METTL25: variants seen among roughly 807,000 people sequenced by gnomAD.
The protein encoded by METTL25 is probable methyltransferase-like protein 25.
A neutral mutation model predicts 71.6 loss-of-function variants in METTL25; 64 were observed. The ratio of observed to expected loss-of-function variants is 0.89; its 90% confidence interval spans 0.73 to 1.10. The LOEUF (loss-of-function observed/expected upper bound fraction) is 1.10. METTL25 is among the 50% of genes least tolerant of loss of function. The pLI is 0.00. For synonymous variants in METTL25, 287 were observed against 250.3 expected (o/e 1.15, Z -1.38); for missense variants, 807 against 707.0 (o/e 1.14, Z -1.60).
chr12:82,384,547 C>CT (rs1407018940), intron 1 of METTL25, among the ~76,000 whole-genome samples: 2 of 151,832 alleles, frequency 1.3e-5, no homozygotes, highest in Admixed American at 1.3e-4. Context: ...TCTAGACTAT[C>CT]TGAGTAAAAC....
At chr12:82,441,630 C>CT (rs1890338084) in intron 8 of METTL25, among the ~76,000 whole-genome samples, 1 of 151,526 alleles carries the variant, frequency 6.6e-6, no homozygotes, top group African/African-American at 2.4e-5. Context: ...CCCGGGTTTT[C>CT]TTTTTGTTTC....
At chr12:82,426,116 A>C (rs1262817387) in intron 5 of METTL25, among the ~76,000 whole-genome samples, 1 of 152,082 alleles carries the variant, frequency 6.6e-6, no homozygotes, top group African/African-American at 2.4e-5. Context: ...AGGTCATATG[A>C]GGGAGCTTCA....
intron 1 of METTL25, among the ~76,000 whole-genome samples, chr12:82,382,161 A>C (rs1166386939): frequency 6.6e-6 from 1 of 152,202 alleles, no homozygotes; most frequent in East Asian, 1.9e-4. Context: ...GAACCTTTTG[A>C]ATTGAAGACA....
At chr12:82,461,611 A>G (rs931119117) in intron 9 of METTL25, among the ~76,000 whole-genome samples, 6 of 152,136 alleles carry the variant, frequency 3.9e-5, no homozygotes, top group African/African-American at 1.4e-4. Context: ...CAAACAATAA[A>G]CCTACGAGAA....
At chr12:82,397,189 C>T (rs1886155658) in intron 3 of METTL25, among the ~76,000 whole-genome samples, 2 of 152,092 alleles carry the variant, frequency 1.3e-5, no homozygotes, top group East Asian at 1.9e-4. Context: ...AGTGGTTATA[C>T]CATTTTACAT....
chr12:82,438,715 C>T lies in METTL25; in HGVS notation c.1405-3C>T. On this transcript the variant is annotated splice_polypyrimidine_tract_variant and splice_region_variant and intron_variant, in intron 7 of 11. Transcript: ENST00000248306. Reference sequence around the variant, plus strand: ...TGCTTATATATGTCTACATTTTTTTCAGCTGCCTACTGAATCACTCTTCTA... The same window carrying T: ...TGCTTATATATGTCTACATTTTTTTTAGCTGCCTACTGAATCACTCTTCTA... The T allele has an allele frequency of 1.4e-6, 2 of 1,458,988 alleles. No homozygotes were observed. Among genetic ancestry groups the T allele is most frequent in the Non-Finnish European group, 1.8e-6 (2 of 1,098,498 alleles). 90.4% of individuals were successfully genotyped at this position (1,458,988 alleles called of 1,614,324 possible).
chr12:82,380,303 A>G (rs4882438), intron 1 of METTL25, among the ~76,000 whole-genome samples: 140,764 of 152,240 alleles, frequency 0.92, 65,392 homozygotes, highest in East Asian at 1. Context: ...ATATGATCTC[A>G]TTATTTTTTA....
At chr12:82,449,905 A>C (rs1282079090) in intron 8 of METTL25, among the ~76,000 whole-genome samples, 2 of 152,032 alleles carry the variant, frequency 1.3e-5, no homozygotes, top group Non-Finnish European at 2.9e-5. Context: ...ATTTCCCTTT[A>C]AACATGTTTC....
rs563587408 is a variant in METTL25, at chr12:82,428,556, TAGA to T, written c.1280-2331_1280-2329del. ...CCAGTCTTTGAAGTCATCTTGGAAATAGAAGAAGTAGCCCAGAGTCCCTAGGAC... is the reference window on the plus strand; with the variant it reads ...CCAGTCTTTGAAGTCATCTTGGAAATAGAAGTAGCCCAGAGTCCCTAGGAC... On this transcript the variant is annotated intron_variant, in intron 5 of 11. Coordinates refer to ENST00000248306, the MANE Select transcript of METTL25 (RefSeq NM_032230.3). 8.0e-4 allele frequency among the ~76,000 whole-genome samples: 121 copies of T among 151,978 alleles called. 1 individual carries two copies. In the Middle Eastern group the frequency reaches 0.014, roughly 17 times the overall value.
intron 1 of METTL25, among the ~76,000 whole-genome samples, chr12:82,370,453 G>A (rs887536788): frequency 2.0e-4 from 31 of 152,190 alleles, no homozygotes; most frequent in African/African-American, 7.5e-4. Context: ...GCCTTTTCCT[G>A]TAAATGCTGG....
At position 82,456,780 on chromosome 12, in the gene METTL25, T is replaced by C; in HGVS notation, c.1532T>C (p.Val511Ala). Residue 511 changes from valine (V) to alanine (A), a missense_variant, in exon 9 of 12, where the codon GTC becomes GCC. By Grantham distance (64) the Val-to-Ala change is moderately conservative (BLOSUM62 0). Coordinates refer to ENST00000248306, the MANE Select transcript of METTL25 (RefSeq NM_032230.3). ...YSKCSSFLDYVRRSLKKLGLD... is the reference protein window; with the variant it reads ...YSKCSSFLDYARRSLKKLGLD... ...AAATGTTCTTCTTTTCTGGATTATG[T>C]CAGACGGTCTCTAAAGAAGCTTGGA... 1 of 1,603,642 alleles carries C rather than the reference T, an allele frequency of 6.2e-7. No homozygotes were observed.
chr12:82,386,863 C>A lies in METTL25; in HGVS notation c.320C>A (p.Ala107Asp). 3.7e-6 allele frequency: 6 copies of A among 1,613,418 alleles called. No individual in the cohort carries two copies. Among genetic ancestry groups the A allele is most frequent in the Non-Finnish European group, 5.1e-6 (6 of 1,179,616 alleles). ...ETSQKLVSVE[A>D]FALAAKYYSV... ...TCTCAGAAGTTGGTGAGTGTGGAAGCCTTTGCTCTGGCTGCGAAATACTAT... is the reference window on the plus strand; with the variant it reads ...TCTCAGAAGTTGGTGAGTGTGGAAGACTTTGCTCTGGCTGCGAAATACTAT... Residue 107 changes from alanine to aspartate, a missense_variant, in exon 2 of 12, where the codon GCC becomes GAC. Ala to Asp is a moderately radical substitution (Grantham distance 126, BLOSUM62 -2). Transcript: ENST00000248306.
At chr12:82,471,409 T>C (rs2137303015) in intron 9 of METTL25, among the ~76,000 whole-genome samples, 1 of 152,362 alleles carries the variant, frequency 6.6e-6, no homozygotes, top group South Asian at 2.1e-4. Context: ...TGGATATTTA[T>C]TATGCATGAT....
At position 82,358,537 on chromosome 12, in the gene METTL25, G is replaced by A. The variant is rs1476086251; in HGVS notation, c.-29G>A. On this transcript the variant is annotated 5_prime_UTR_variant, in exon 1 of 12. Transcript: ENST00000248306. ...GCTGGCGCCTCACGGCCATGTTTGC[G>A]CCACCTACAGCCTCGGAGGGTGAGC... The A allele has an allele frequency of 1.9e-6, 3 of 1,602,550 alleles. No individual in the cohort carries two copies. The highest frequency in any genetic ancestry group is 2.2e-5 in the East Asian group (1 of 44,736).
chr12:82,424,388 G>T (rs1317191572), intron 5 of METTL25, among the ~76,000 whole-genome samples: 2 of 152,112 alleles, frequency 1.3e-5, no homozygotes, highest in South Asian at 2.1e-4. Flanking sequence ...GCCTGTTGTG[G>T]GGTGGGGGAA....
At chr12:82,373,091 T>G (rs1291405167) in intron 1 of METTL25, among the ~76,000 whole-genome samples, 1 of 152,108 alleles carries the variant, frequency 6.6e-6, no homozygotes, top group African/African-American at 2.4e-5. Context: ...GGATTTAGTG[T>G]CCCTTACTGA....
intron 8 of METTL25, among the ~76,000 whole-genome samples, chr12:82,441,806 A>AACACATACAC (rs1890360731): frequency 7.5e-6 from 1 of 133,984 alleles, no homozygotes; most frequent in Non-Finnish European, 1.6e-5. Context: ...AAAAAATAGA[A>AACACATACAC]ACACACACAC....
intron 1 of METTL25, among the ~76,000 whole-genome samples, chr12:82,372,893 G>A (rs1408431095): frequency 1.3e-5 from 2 of 152,076 alleles, no homozygotes; most frequent in African/African-American, 4.8e-5. Flanking sequence ...CCAAGAACCT[G>A]CAACGGTCCC....
Position 82,386,966 on chromosome 12 carries a change from T to A in METTL25, c.423T>A (p.Ile141=). 6.2e-7 allele frequency: 1 copy of A among 1,612,114 alleles called. No homozygotes were observed. Among genetic ancestry groups the A allele is most frequent in the Non-Finnish European group, 8.5e-7 (1 of 1,178,894 alleles). Residue 141 remains isoleucine (I), a splice_region_variant and synonymous_variant, in exon 2 of 12, where the codon ATT becomes ATA. Transcript: ENST00000248306. ...TTCGAGGAAATCAAAACCAGAGAAT[T>A]GGTATGTCTATTTATGTGTGTGTAT... ...VALRGNQNQR[I]GENQKAVEFM...
Sources: gnomAD v4.1 joint callset for allele counts (sites outside exome capture counted in the v4.1 genomes callset) on GRCh38, gnomAD v4.1.1 for gene constraint, MANE v1.5 for transcripts, NCBI Gene and HGNC (gene_info 2026-07-23, HGNC 2026-07-21) for gene names.